UBN1: variants seen among roughly 807,000 people sequenced by gnomAD.
The protein encoded by UBN1 is ubinuclein 1, also known as ubinuclein-1.
UBN1 carries 17 observed loss-of-function variants against 108.5 expected under a neutral mutation model. That is an observed-to-expected ratio of 0.16 (90% CI 0.11 to 0.24). The LOEUF is 0.24. UBN1 is among the 10% of genes least tolerant of loss of function. UBN1 has a pLI of 1.00. For synonymous variants in UBN1, 726 were observed against 564.2 expected (o/e 1.29, Z -4.07); for missense variants, 1,595 against 1,394.4 (o/e 1.14, Z -2.29).
Position 4,874,587 on chromosome 16 carries a change from C to T in UBN1, c.2177C>T (p.Pro726Leu), listed in dbSNP as rs753604907. 1 of 1,614,244 alleles carries T rather than the reference C, an allele frequency of 6.2e-7. No individual in the cohort carries two copies. Among genetic ancestry groups the T allele is most frequent in the Non-Finnish European group, 8.5e-7 (1 of 1,180,030 alleles). Residue 726 changes from proline to leucine, a missense_variant, in exon 15 of 18, where the codon CCA (proline) becomes CTA (leucine). Around this residue, in one of 3 missense-constraint regions of UBN1, gnomAD observed 1,398 missense variants for 1,194.7 expected, o/e 1.17. Transcript: ENST00000262376. ...TTTGCGAAGCCTAGTCCTTCTGCTC[C>T]ACCACCAGCTAGCTCTCTGCAGTCA... ...RNFAKPSPSAPPPASSLQSPL... is the reference protein window; with the variant it reads ...RNFAKPSPSALPPASSLQSPL...
In UBN1 at chr16:4,877,652, G is replaced by C. The variant is rs1386090323; in HGVS notation, c.3355+178G>C. 2.3e-6 allele frequency: 3 copies of C among 1,309,530 alleles called. No homozygotes were observed. The highest frequency in any genetic ancestry group is 2.9e-6 in the Non-Finnish European group (3 of 1,030,544). The allele number at this position is 1,309,530 out of a possible 1,614,324, so 81.1% of individuals were successfully genotyped here. A position where few individuals can be genotyped will look rare whatever the true frequency, so the allele number is the denominator to read the frequency against. Reference sequence around the variant, plus strand: ...AGGGTGACACGCACTTCTACTCTTGGGGTTTCCTCTGGTCCCCACTTGGAG... The same window carrying C: ...AGGGTGACACGCACTTCTACTCTTGCGGTTTCCTCTGGTCCCCACTTGGAG... On this transcript the variant is annotated intron_variant, in intron 17 of 17. Coordinates refer to ENST00000262376, the MANE Select transcript of UBN1 (RefSeq NM_001079514.3). This position sits in a 1 kb window ranked among gnomAD's most constrained non-coding sequence, Gnocchi z 4.3.
intron 7 of UBN1, among the ~76,000 whole-genome samples, chr16:4,867,419 C>T (rs2087389412): frequency 6.6e-6 from 1 of 152,130 alleles, no homozygotes; most frequent in Non-Finnish European, 1.5e-5. Context: ...TTTGTATAGG[C>T]AGGTTCCTCA....
Position 4,857,334 on chromosome 16 carries a change from G to C in UBN1, c.250-656G>C, listed in dbSNP as rs528125999. Reference sequence around the variant, plus strand: ...CCACTGCACTGCAGCCTGAGTGACAGAGTGAGACTCTTATCTCAAAAAAAA... The same window carrying C: ...CCACTGCACTGCAGCCTGAGTGACACAGTGAGACTCTTATCTCAAAAAAAA... On this transcript the variant is annotated intron_variant, in intron 2 of 17. Coordinates refer to ENST00000262376, the MANE Select transcript of UBN1 (RefSeq NM_001079514.3). Among the ~76,000 whole-genome samples, 294 of 146,514 alleles carry C rather than the reference G, an allele frequency of 2.0e-3. 1 individual carries two copies. The highest frequency in any genetic ancestry group is 3.6e-3 in the Middle Eastern group (1 of 274).
In UBN1 at chr16:4,859,143, A is replaced by G. The variant is rs769300674; in HGVS notation, c.551A>G (p.Lys184Arg). The G allele has an allele frequency of 4.3e-6, 7 of 1,613,506 alleles. No homozygotes were observed. In the Admixed American group the frequency reaches 1.2e-4, roughly 27 times the overall value. ...GAAGATGACTTCATTAAAGAAAAGA[A>G]GAAAAAATCTCCAAAGGTTAGAATG... ...ESEDDFIKEKKKKSPKKRKLK... is the reference protein window; with the variant it reads ...ESEDDFIKEKRKKSPKKRKLK... Residue 184 changes from lysine to arginine, a missense_variant, in exon 5 of 18, where the codon AAG becomes AGG. Physicochemically the swap from Lys to Arg is conservative, Grantham distance 26. Transcript: ENST00000262376.
rs765679742 is a variant in UBN1, at chr16:4,870,220, C to T, written c.1190C>T (p.Ala397Val). The T allele has an allele frequency of 7.5e-5, 121 of 1,614,120 alleles. No homozygotes were observed. Among genetic ancestry groups the T allele is most frequent in the East Asian group, 4.5e-5 (2 of 44,900 alleles). The stretch of plus-strand genomic sequence containing the variant: ...TGTGTTTTGTTCTTCAGCATAGAGG[C>T]GCAGACTCGGGAGCTGAGCAGTCAG... Reference protein sequence around the residue: ...DINGILLDIEAQTRELSSQVR... With the variant: ...DINGILLDIEVQTRELSSQVR... The change falls in exon 9 of 18, where the codon GCG (alanine) becomes GTG (valine). Residue 397 changes from alanine to valine, a missense_variant. This residue lies in a region of UBN1 where 1,398 missense variants were observed against 1,194.7 expected (regional missense o/e 1.17). Transcript: ENST00000262376.
At position 4,868,367 on chromosome 16, in the gene UBN1, G is replaced by C. The variant is rs565532480; in HGVS notation, c.1111-466G>C. Among the ~76,000 whole-genome samples, 15 of 152,294 alleles carry C rather than the reference G, an allele frequency of 9.8e-5. No individual in the cohort carries two copies. In the South Asian group the frequency reaches 3.1e-3, roughly 32 times the overall value. ...CATAAGTAGATTAGGAATTGTCAAAGAGTTTTAATGTCCTTAAGTGTTAGA... is the reference window on the plus strand; with the variant it reads ...CATAAGTAGATTAGGAATTGTCAAACAGTTTTAATGTCCTTAAGTGTTAGA... On this transcript the variant is annotated intron_variant, in intron 7 of 17. Coordinates refer to ENST00000262376, the MANE Select transcript of UBN1 (RefSeq NM_001079514.3).
chr16:4,856,300 T>C (rs1409153559), intron 2 of UBN1, among the ~76,000 whole-genome samples: 1 of 152,220 alleles, frequency 6.6e-6, no homozygotes, highest in East Asian at 1.9e-4. Flanking sequence ...TTCAGAGGAT[T>C]CAGTCCTGGA....
At chr16:4,862,197 C>G (rs571712596) in intron 7 of UBN1, among the ~76,000 whole-genome samples, 18 of 152,290 alleles carry the variant, frequency 1.2e-4, no homozygotes, top group African/African-American at 4.3e-4. Context: ...GTGATTCTTA[C>G]AGTATTTCAG....
chr16:4,848,947 C>T (rs549373628), intron 1 of UBN1, among the ~76,000 whole-genome samples: 95 of 152,118 alleles, frequency 6.2e-4, no homozygotes, highest in African/African-American at 2.2e-3. Context: ...ACTAAAAATA[C>T]AAAATTAGCC....
chr16:4,858,896 A>T, intron 4 of UBN1, 129 bp from the exon 5 acceptor site: 9 of 1,255,652 alleles, frequency 7.2e-6, no homozygotes, highest in Non-Finnish European at 1.0e-5. Context: ...TTCATGTTTG[A>T]CCAGAGGATG....
At position 4,858,648 on chromosome 16, in the gene UBN1, C is replaced by T. The variant is rs750592271; in HGVS notation, c.417C>T (p.Ile139=). ...GYGYDESDSF[I]DNSEAYDELV... ...GTTATGATGAATCCGACTCCTTCAT[C>T]GATAACTCTGAGGCGGTAAGTAGTT... The change falls in exon 4 of 18, where the codon ATC becomes ATT. Residue 139 remains isoleucine, a synonymous_variant. Transcript: ENST00000262376. The T allele has an allele frequency of 9.3e-6, 15 of 1,614,132 alleles. No individual in the cohort carries two copies. The South Asian group carries it at 1.3e-4, about 14-fold the overall frequency.
intron 15 of UBN1, 91 bp downstream of exon 15, chr16:4,875,525 C>G (rs547093526): frequency 1.9e-5 from 29 of 1,503,482 alleles, no homozygotes; most frequent in Admixed American, 6.4e-5. Flanking sequence ...AGAGTGAGAT[C>G]TAAAACCACA....
In UBN1 at chr16:4,880,194, A is replaced by T. The variant is rs2088037220; in HGVS notation, c.*62A>T. 6.4e-7 allele frequency: 1 copy of T among 1,555,210 alleles called. No homozygotes were observed. The highest frequency in any genetic ancestry group is 1.7e-5 in the Admixed American group (1 of 59,916). On this transcript the variant is annotated 3_prime_UTR_variant, in exon 18 of 18. Coordinates refer to ENST00000262376, the MANE Select transcript of UBN1 (RefSeq NM_001079514.3). ...TGGAATCAGAACGTGCAGGTCTCCC[A>T]GGATGTACACTCACTGCGCCCTTTC...
chr16:4,875,341 C>T lies in UBN1; in HGVS notation c.2931C>T (p.Ser977=). ...VAPPGGPNGD[S]SGGTQGVAKL... ...CTCCAGGCGGTCCAAACGGAGATTC[C>T]AGTGGTGGGACCCAGGGAGTGGCAA... Residue 977 remains serine, a synonymous_variant, in exon 15 of 18, where the codon TCC becomes TCT. Transcript: ENST00000262376. 1 of 1,614,204 alleles carries T rather than the reference C, an allele frequency of 6.2e-7. No individual in the cohort carries two copies. Among genetic ancestry groups the T allele is most frequent in the Non-Finnish European group, 8.5e-7 (1 of 1,180,044 alleles).
chr16:4,857,658 A>T (rs1202194871), intron 2 of UBN1, among the ~76,000 whole-genome samples: 2 of 152,202 alleles, frequency 1.3e-5, no homozygotes, highest in African/African-American at 4.8e-5. Flanking sequence ...AGAAAATTTT[A>T]AGAGTTACAA....
At position 4,874,723 on chromosome 16, in the gene UBN1, G is replaced by A. The variant is rs553156718; in HGVS notation, c.2313G>A (p.Lys771=). ...TGTCCTGCCAGGCTCCCCTCAATAA[G>A]GGCCTGCCAGAAGTACATCAGTCCA... The part of the protein sequence containing the change: ...KELSCQAPLN[K]GLPEVHQSKA... Residue 771 remains lysine (K), a synonymous_variant, in exon 15 of 18, where the codon AAG becomes AAA. Coordinates refer to ENST00000262376, the MANE Select transcript of UBN1 (RefSeq NM_001079514.3). 4.3e-6 allele frequency: 7 copies of A among 1,614,000 alleles called. No individual in the cohort carries two copies. The African/African-American group carries it at 6.7e-5, about 15-fold the overall frequency.
Position 4,870,828 on chromosome 16 carries a change from T to G in UBN1, c.1431-16T>G, listed in dbSNP as rs1465102162. The G allele has an allele frequency of 6.8e-6, 11 of 1,613,068 alleles. No homozygotes were observed. Among genetic ancestry groups the G allele is most frequent in the Non-Finnish European group, 9.3e-6 (11 of 1,179,640 alleles). On this transcript the variant is annotated splice_polypyrimidine_tract_variant and intron_variant, in intron 10 of 17. Coordinates refer to ENST00000262376, the MANE Select transcript of UBN1 (RefSeq NM_001079514.3). Reference sequence around the variant, plus strand: ...GGAGCACCTTGGGGCCCCATGTAATTCTATTCACCCCGTAGGATGCTGGAA... The same window carrying G: ...GGAGCACCTTGGGGCCCCATGTAATGCTATTCACCCCGTAGGATGCTGGAA...
intron 7 of UBN1, among the ~76,000 whole-genome samples, chr16:4,864,214 G>A (rs538706232): frequency 2.0e-5 from 3 of 151,430 alleles, no homozygotes; most frequent in Admixed American, 6.6e-5. Flanking sequence ...AGCCTCCCGA[G>A]TAGCTGGGAT....
At chr16:4,849,233 C>G (rs556616881) in intron 1 of UBN1, among the ~76,000 whole-genome samples, 1 of 152,246 alleles carries the variant, frequency 6.6e-6, no homozygotes, top group South Asian at 2.1e-4. Context: ...TGCCTAAAAC[C>G]TGAAAGTTCT....
Sources: allele counts gnomAD v4.1 joint callset (sites outside exome capture counted in the v4.1 genomes callset), GRCh38; gene constraint gnomAD v4.1.1; regional missense constraint gnomAD v4.1.1; non-coding constraint Gnocchi (gnomAD v3.1); transcripts MANE v1.5; gene names NCBI Gene and HGNC (gene_info 2026-07-23, HGNC 2026-07-21).